AXDND1: variants seen among roughly 807,000 people sequenced by gnomAD.
The protein encoded by AXDND1 is axonemal dynein light chain domain-containing protein 1.
In AXDND1, 110 loss-of-function variants were observed where a neutral mutation model predicts 137.5. The observed-to-expected ratio is 0.80, with a 90% confidence interval of 0.69 to 0.94. The LOEUF (loss-of-function observed/expected upper bound fraction) is 0.94. AXDND1 is among the 40% of genes least tolerant of loss of function. The pLI, the probability that AXDND1 is intolerant of heterozygous loss-of-function variation, is 0.00. For missense variants in AXDND1, 1,191 were observed against 1,169.8 expected, an observed-to-expected ratio of 1.02 and a Z score of -0.26; for synonymous variants, 414 against 399.7, an observed-to-expected ratio of 1.04 and a Z score of -0.43.
At chr1:179,461,225 G>C (rs985256694) in intron 16 of AXDND1, among the ~76,000 whole-genome samples, 5 of 152,094 alleles carry the variant, frequency 3.3e-5, no homozygotes, top group Admixed American at 2.0e-4. Flanking sequence ...AATTAATTTT[G>C]TATAAGGTGT....
intron 16 of AXDND1, among the ~76,000 whole-genome samples, chr1:179,466,097 C>T (rs34172852): frequency 0.14 from 20,962 of 152,056 alleles, 1,591 homozygotes; most frequent in East Asian, 0.35. Context: ...CGCCCTGCTT[C>T]AGCTCACACT....
At chr1:179,436,489 A>G (rs2125331840) in intron 15 of AXDND1, among the ~76,000 whole-genome samples, 1 of 152,334 alleles carries the variant, frequency 6.6e-6, no homozygotes, top group South Asian at 2.1e-4. Flanking sequence ...GTACATATAC[A>G]CCATGAAATA....
chr1:179,554,404 A>G (rs1673769278), intron 25 of AXDND1, 108 bp from the exon 26 acceptor site: 4 of 1,587,130 alleles, frequency 2.5e-6, no homozygotes, highest in Admixed American at 3.4e-5. Flanking sequence ...AATTTTTCAA[A>G]TGAAAAATTT....
At chr1:179,385,098 A>C (rs1303200027) in intron 8 of AXDND1, 140 bp from the exon 9 acceptor site, 1 of 752,020 alleles carries the variant, frequency 1.3e-6, no homozygotes, top group Non-Finnish European at 2.1e-6. Flanking sequence ...TCACTTTTGT[A>C]TATATATAAA....
intron 18 of AXDND1, among the ~76,000 whole-genome samples, chr1:179,488,415 G>C (rs1055560983): frequency 2.0e-5 from 3 of 147,002 alleles, no homozygotes; most frequent in African/African-American, 7.8e-5. Flanking sequence ...TATGTGTGTG[G>C]TTTTTTTTGT....
At chr1:179,400,747 C>CA (rs71111987) in intron 11 of AXDND1, among the ~76,000 whole-genome samples, 42,951 of 148,234 alleles carry the variant, frequency 0.29, 6,415 homozygotes, top group Non-Finnish European at 0.31. Flanking sequence ...ACTGAAAATA[C>CA]AAAAAAAATT....
chr1:179,408,674 G>A (rs1044396652), intron 11 of AXDND1, among the ~76,000 whole-genome samples: 1 of 152,078 alleles, frequency 6.6e-6, no homozygotes, highest in Non-Finnish European at 1.5e-5. Context: ...ACCAAACCTG[G>A]ATAATTTTAT....
At chr1:179,442,089 G>A (rs556346127) in intron 15 of AXDND1, among the ~76,000 whole-genome samples, 7 of 152,224 alleles carry the variant, frequency 4.6e-5, no homozygotes, top group Admixed American at 2.6e-4. Context: ...CAGGCCTTAC[G>A]GAACTAGGAA....
chr1:179,404,558 T>A (rs1652635413), intron 11 of AXDND1, among the ~76,000 whole-genome samples: 1 of 152,200 alleles, frequency 6.6e-6, no homozygotes, highest in South Asian at 2.1e-4. Context: ...CCAAAAAATG[T>A]TCAAATATGT....
At chr1:179,467,665 G>A (rs1474583588) in intron 16 of AXDND1, among the ~76,000 whole-genome samples, 1 of 152,132 alleles carries the variant, frequency 6.6e-6, no homozygotes, top group African/African-American at 2.4e-5. Context: ...AGAGAAAAAT[G>A]AGGTAGCAAA....
intron 4 of AXDND1, among the ~76,000 whole-genome samples, chr1:179,375,502 AT>A (rs1668505187): frequency 1.1e-5 from 1 of 92,000 alleles, no homozygotes; most frequent in African/African-American, 3.7e-5. Context: ...TGTATAACAT[AT>A]AATGTATAAT....
chr1:179,521,047 G>A lies in AXDND1; in HGVS notation c.2497-4287G>A, dbSNP rs58673658. Among the ~76,000 whole-genome samples the A allele has an allele frequency of 6.2e-3, 935 of 151,958 alleles. 10 individuals carry two copies. Among genetic ancestry groups the A allele is most frequent in the African/African-American group, 0.022 (900 of 41,444 alleles). On this transcript the variant is annotated intron_variant, in intron 21 of 25. Transcript: ENST00000367618. ...TCCAGTTATGGTTCACTGCAGCCTT[G>A]ACTTCCTGTGCTCAAGAAGTCCTCC...
At position 179,445,024 on chromosome 1, in the gene AXDND1, G is replaced by T. The variant is rs371568732; in HGVS notation, c.1618G>T (p.Asp540Tyr). ...TGGGGATGTTCTACTGTCAAAATACGATACTCTCAAGATTATTAAACATTT... is the reference window on the plus strand; with the variant it reads ...TGGGGATGTTCTACTGTCAAAATACTATACTCTCAAGATTATTAAACATTT... ...FTGDVLLSKY[D>Y]TLKIIKHLQE... Residue 540 changes from aspartate (D) to tyrosine (Y), a missense_variant, in exon 16 of 26, where the codon GAT becomes TAT. By Grantham distance (160) the Asp-to-Tyr change is radical. Transcript: ENST00000367618. The T allele has an allele frequency of 8.7e-6, 14 of 1,612,736 alleles. No homozygotes were observed. The African/African-American group carries it at 1.9e-4, about 22-fold the overall frequency.
chr1:179,389,145 G>T (rs944545397), intron 9 of AXDND1, among the ~76,000 whole-genome samples: 2 of 151,500 alleles, frequency 1.3e-5, no homozygotes, highest in Admixed American at 1.3e-4. Flanking sequence ...GGCTAATTTT[G>T]CATTTTTAGT....
rs1462609751 is a variant in AXDND1 at position 179,388,778 on chromosome 1, G to A, written c.863+3419G>A. ...ATTTTTTTTTTTTTTTGTATTTTTA[G>A]TAGAGACAGGGTTCGCCATATTGGC... On this transcript the variant is annotated intron_variant, in intron 9 of 25. Transcript: ENST00000367618. 2.8e-5 allele frequency among the ~76,000 whole-genome samples: 4 copies of A among 144,100 alleles called. No individual in the cohort carries two copies. In the South Asian group the frequency reaches 8.7e-4, roughly 32 times the overall value. 94.5% of individuals were successfully genotyped at this position (144,100 alleles called of 152,430 possible).
intron 8 of AXDND1, 37 bp from the exon 9 acceptor site, chr1:179,385,201 G>A (rs375232831): frequency 6.3e-7 from 1 of 1,578,972 alleles, no homozygotes; most frequent in Non-Finnish European, 8.7e-7. Flanking sequence ...TACTAAGACT[G>A]TAATAAGTAC....
chr1:179,424,620 G>A (rs1473521212), intron 12 of AXDND1, among the ~76,000 whole-genome samples: 1 of 151,732 alleles, frequency 6.6e-6, no homozygotes, highest in Non-Finnish European at 1.5e-5. Flanking sequence ...AGTAGAAATG[G>A]AGTTTTGCCA....
chr1:179,410,051 C>T (rs1383044684), intron 11 of AXDND1, among the ~76,000 whole-genome samples: 1 of 151,988 alleles, frequency 6.6e-6, no homozygotes, highest in Admixed American at 6.6e-5. Context: ...AAGAGTATAG[C>T]TCAGTGAATT....
At chr1:179,502,562 TAAAAAAA>T (rs35740934) in intron 20 of AXDND1, among the ~76,000 whole-genome samples, 1 of 81,084 alleles carries the variant, frequency 1.2e-5, no homozygotes, top group Non-Finnish European at 2.3e-5. Flanking sequence ...AAACTCTGTC[TAAAAAAA>T]AAAAAAAAAA....
Sources: allele counts gnomAD v4.1 joint callset (sites outside exome capture counted in the v4.1 genomes callset), GRCh38; gene constraint gnomAD v4.1.1; transcripts MANE v1.5; gene names NCBI Gene and HGNC (gene_info 2026-07-23, HGNC 2026-07-21).